CCDC171: variants seen among roughly 807,000 people sequenced by gnomAD.
The protein encoded by CCDC171 is coiled-coil domain-containing protein 171.
CCDC171 carries 177 observed loss-of-function variants against 168.2 expected under a neutral mutation model. The observed-to-expected ratio is 1.05, with a 90% confidence interval of 0.93 to 1.19. CCDC171 has a LOEUF of 1.19. CCDC171 is among the 50% of genes most tolerant of loss of function. The pLI is 0.00. For missense variants in CCDC171, 1,991 were observed against 1,539.0 expected (o/e 1.29, Z -4.91); for synonymous variants, 687 against 540.8 (o/e 1.27, Z -3.75).
chr9:15,711,570 T>C (rs559774019), intron 11 of CCDC171, among the ~76,000 whole-genome samples: 3 of 152,310 alleles, frequency 2.0e-5, no homozygotes, highest in African/African-American at 7.2e-5. Flanking sequence ...AGATCAAGTG[T>C]GCATTATAAG....
intron 25 of CCDC171, among the ~76,000 whole-genome samples, chr9:15,963,540 A>G (rs73411572): frequency 0.11 from 16,267 of 152,154 alleles, 2,258 homozygotes; most frequent in African/African-American, 0.32. Context: ...GTCCCTAACT[A>G]CATGGCATGA....
downstream of CCDC171, among the ~76,000 whole-genome samples, chr9:16,066,089 G>C (rs1294067007): frequency 1.3e-5 from 2 of 152,110 alleles, no homozygotes; most frequent in African/African-American, 4.8e-5. Flanking sequence ...TGGACATCAG[G>C]AGCTTGAGTA....
intron 11 of CCDC171, among the ~76,000 whole-genome samples, chr9:15,710,162 A>C (rs1050791987): frequency 5.3e-5 from 8 of 152,200 alleles, no homozygotes; most frequent in Admixed American, 5.2e-4. Context: ...AAAGTTAAAA[A>C]TTTCTTAGTG....
At chr9:16,090,305 C>T in the CCDC171 span, among the ~76,000 whole-genome samples, 1 of 151,908 alleles carries the variant, frequency 6.6e-6, no homozygotes, top group Admixed American at 6.6e-5. Context: ...TCAGTCTCAG[C>T]AAACTAACAC....
chr9:15,571,867 G>A, intron 3 of CCDC171, 108 bp downstream of exon 3: 3 of 927,106 alleles, frequency 3.2e-6, no homozygotes, highest in South Asian at 1.8e-5. Context: ...ACCATTCTTG[G>A]GCTTAAAAAG....
intron 7 of CCDC171, among the ~76,000 whole-genome samples, chr9:15,639,440 C>G (rs1303733180): frequency 6.6e-6 from 1 of 151,984 alleles, no homozygotes; most frequent in Non-Finnish European, 1.5e-5. Flanking sequence ...TCATGTTAAT[C>G]AGAATTTGCG....
At chr9:15,660,847 T>C (rs2133036784) in intron 8 of CCDC171, among the ~76,000 whole-genome samples, 1 of 152,332 alleles carries the variant, frequency 6.6e-6, no homozygotes. Flanking sequence ...TACCCAGTAA[T>C]GGGGTTGCTG....
chr9:15,771,316 C>G (rs1430970458), intron 18 of CCDC171, among the ~76,000 whole-genome samples: 1 of 152,112 alleles, frequency 6.6e-6, no homozygotes, highest in Non-Finnish European at 1.5e-5. Flanking sequence ...ACAGTGTTGA[C>G]CGTTCTGGTT....
Position 15,612,481 on chromosome 9 carries a change from T to TC in CCDC171, c.676-10782dup, listed in dbSNP as rs541358697. Among the ~76,000 whole-genome samples the TC allele has an allele frequency of 4.9e-4, 75 of 152,312 alleles. 1 individual carries two copies. Among genetic ancestry groups the TC allele is most frequent in the African/African-American group, 1.6e-3 (67 of 41,568 alleles). On this transcript the variant is annotated intron_variant, in intron 6 of 25. Transcript: ENST00000380701. The stretch of plus-strand genomic sequence containing the variant: ...ATGTTTAATCATATCTGTTTAGTGG[T>TC]CCCCTCTTGGTGTTCTTTTTAACTT...
intron 24 of CCDC171, among the ~76,000 whole-genome samples, chr9:15,895,994 TTC>T (rs1820846140): frequency 6.6e-6 from 1 of 152,076 alleles, no homozygotes; most frequent in South Asian, 2.1e-4. Context: ...TGCAATGGTT[TTC>T]ACTAGGAACT....
chr9:16,040,422 A>G, upstream of CCDC171, among the ~76,000 whole-genome samples: 1 of 152,102 alleles, frequency 6.6e-6, no homozygotes, highest in South Asian at 2.1e-4. Flanking sequence ...TCTGGGCTGG[A>G]GCTCATCTCA....
intron 16 of CCDC171, among the ~76,000 whole-genome samples, chr9:15,742,255 C>G (rs761852456): frequency 6.6e-6 from 1 of 152,126 alleles, no homozygotes; most frequent in Non-Finnish European, 1.5e-5. Flanking sequence ...AGGGACAGTT[C>G]CAGGATTTTA....
intron 18 of CCDC171, among the ~76,000 whole-genome samples, chr9:15,775,520 GT>G (rs1443794492): frequency 6.6e-6 from 1 of 152,102 alleles, no homozygotes; most frequent in African/African-American, 2.4e-5. Flanking sequence ...AGGTTTCACT[GT>G]TTTAGCCAGG....
At chr9:15,721,033 A>G (rs2053445692) in intron 11 of CCDC171, among the ~76,000 whole-genome samples, 1 of 152,218 alleles carries the variant, frequency 6.6e-6, no homozygotes, top group South Asian at 2.1e-4. Context: ...ACGTTTGATC[A>G]TGTGACCTTT....
chr9:16,003,366 A>G lies in CCDC171; in HGVS notation n.369-17223A>G, dbSNP rs190497158. On this transcript the variant is annotated intron_variant and non_coding_transcript_variant, in intron 3 of 9. Coordinates refer to the CCDC171 transcript ENST00000486641. The stretch of plus-strand genomic sequence containing the variant: ...CCTGTTTCAACAATCAAATTATTCC[A>G]CAACACAATGGCTCCCTTATATTTC... Among the ~76,000 whole-genome samples, 948 of 152,314 alleles carry G rather than the reference A, an allele frequency of 6.2e-3. 5 individuals are homozygous for G. Among genetic ancestry groups the G allele is most frequent in the Non-Finnish European group, 0.01 (701 of 68,014 alleles).
chr9:15,636,383 C>T (rs997712596), intron 7 of CCDC171, among the ~76,000 whole-genome samples: 1 of 151,964 alleles, frequency 6.6e-6, no homozygotes, highest in Non-Finnish European at 1.5e-5. Flanking sequence ...TCTTTTTAGG[C>T]CAATAAATTC....
intron 25 of CCDC171, among the ~76,000 whole-genome samples, chr9:15,968,661 C>T (rs975819156): frequency 1.3e-5 from 2 of 151,594 alleles, no homozygotes; most frequent in African/African-American, 4.8e-5. Flanking sequence ...ATTCCCCTGC[C>T]TCAGCCTCCT....
intron 25 of CCDC171, among the ~76,000 whole-genome samples, chr9:15,955,096 A>G (rs1463977949): frequency 6.6e-6 from 1 of 151,994 alleles, no homozygotes; most frequent in African/African-American, 2.4e-5. Context: ...GGGTTTTCTG[A>G]TTTTTTAAAA....
chr9:15,932,164 G>C (rs778151389), intron 25 of CCDC171, among the ~76,000 whole-genome samples: 29 of 151,870 alleles, frequency 1.9e-4, no homozygotes, highest in East Asian at 3.9e-4. Context: ...TTGGTCTTTT[G>C]ATAGGGACTG....
Sources: allele counts gnomAD v4.1 joint callset (sites outside exome capture counted in the v4.1 genomes callset), GRCh38; gene constraint gnomAD v4.1.1; transcripts MANE v1.5; gene names NCBI Gene and HGNC (gene_info 2026-07-23, HGNC 2026-07-21).